DCN: variants seen among roughly 807,000 people sequenced by gnomAD.
DCN encodes bone proteoglycan II.
In DCN, 17 loss-of-function variants were observed where a neutral mutation model predicts 36.5. The ratio of observed to expected loss-of-function variants is 0.47; its 90% confidence interval spans 0.32 to 0.70. The LOEUF (loss-of-function observed/expected upper bound fraction) is 0.70, where lower values mean the gene tolerates loss of function less well. Among genes scored for constraint, DCN ranks in the 30% least tolerant of loss-of-function variants. DCN has a pLI of 0.04. For missense variants in DCN, 389 were observed against 430.1 expected (o/e 0.90, Z 0.84); for synonymous variants, 163 against 161.4 (o/e 1.01, Z -0.07).
At chr12:91,169,207 G>C (rs551980472) in intron 2 of DCN, among the ~76,000 whole-genome samples, 29 of 151,458 alleles carry the variant, frequency 1.9e-4, no homozygotes, top group Admixed American at 1.6e-3. Context: ...GACCAGCCTG[G>C]GCAACATAGC....
intron 7 of DCN, among the ~76,000 whole-genome samples, chr12:91,148,141 T>C (rs1177138112): frequency 6.6e-6 from 1 of 151,170 alleles, no homozygotes; most frequent in Non-Finnish European, 1.5e-5. Flanking sequence ...TGTCGCAATC[T>C]CGGCTCACTG....
chr12:91,177,660 G>A (rs1413660954), intron 2 of DCN: 2 of 700,932 alleles, frequency 2.9e-6, no homozygotes, highest in African/African-American at 3.5e-5. Context: ...TCTTTAGGGT[G>A]TTAGGCTAAA....
chr12:91,161,130 G>A lies in DCN; in HGVS notation c.325-2621C>T, dbSNP rs562556018. 7.9e-4 allele frequency among the ~76,000 whole-genome samples: 121 copies of A among 152,274 alleles called. 1 individual carries two copies. Among genetic ancestry groups the A allele is most frequent in the African/African-American group, 2.9e-3 (119 of 41,560 alleles). On this transcript the variant is annotated intron_variant, in intron 3 of 7. Transcript: ENST00000052754. ...CTTAACATCCTCTGAATGGTTGAAG[G>A]CTCTAATGAACTCTCTTTATTCATC...
chr12:91,166,856 A>G (rs1266597243), intron 2 of DCN, among the ~76,000 whole-genome samples: 1 of 152,164 alleles, frequency 6.6e-6, no homozygotes, highest in Non-Finnish European at 1.5e-5. Flanking sequence ...TTAAAATTAT[A>G]GTTCTACAAC....
intron 2 of DCN, among the ~76,000 whole-genome samples, chr12:91,178,125 G>GA (rs1883406547): frequency 6.6e-6 from 1 of 151,868 alleles, no homozygotes; most frequent in Non-Finnish European, 1.5e-5. Flanking sequence ...AGTAATGGAG[G>GA]AAAAAAGGAA....
At chr12:91,168,995 T>C (rs1050021738) in intron 2 of DCN, among the ~76,000 whole-genome samples, 2 of 148,148 alleles carry the variant, frequency 1.3e-5, no homozygotes, top group African/African-American at 4.9e-5. Flanking sequence ...AAATCCCCAT[T>C]CATAGATTTG....
intron 2 of DCN, chr12:91,169,526 T>C (rs1380361863): frequency 1.3e-5 from 2 of 151,958 alleles, no homozygotes; most frequent in African/African-American, 4.8e-5. Context: ...AGAAACATAC[T>C]GGTAAGTGTA....
intron 2 of DCN, among the ~76,000 whole-genome samples, chr12:91,166,736 C>T (rs1882598447): frequency 6.6e-6 from 1 of 152,084 alleles, no homozygotes; most frequent in Non-Finnish European, 1.5e-5. Context: ...ACACTAGGAA[C>T]TACTTAAGGT....
chr12:91,178,052 T>C (rs1229920778), intron 2 of DCN, among the ~76,000 whole-genome samples: 2 of 151,776 alleles, frequency 1.3e-5, no homozygotes, highest in African/African-American at 4.9e-5. Flanking sequence ...AAAATTTTAT[T>C]TTGTAGAAGA....
In DCN at chr12:91,143,043, A is replaced by G. The variant is rs1880802446; in HGVS notation, c.*3015T>C. The G allele has an allele frequency of 6.6e-6, 1 of 152,184 alleles. No individual in the cohort carries two copies. The highest frequency in any genetic ancestry group is 2.4e-5 in the African/African-American group (1 of 41,458). The allele number at this position is 152,184 out of a possible 1,614,324, so 9.4% of individuals were successfully genotyped here. A position where few individuals can be genotyped will look rare whatever the true frequency, so the allele number is the denominator to read the frequency against. On this transcript the variant is annotated 3_prime_UTR_variant, in exon 8 of 8. Transcript: ENST00000052754. ...CCTTAATCCAATATAACTCATGTTC[A>G]TAGAAGAAGAAGAGAAAAGACACAA...
At chr12:91,171,278 G>T (rs1882938234) in intron 2 of DCN, among the ~76,000 whole-genome samples, 1 of 152,058 alleles carries the variant, frequency 6.6e-6, no homozygotes, top group Non-Finnish European at 1.5e-5. Context: ...CTTCATGGGG[G>T]ACATGTAATA....
chr12:91,154,087 C>G (rs986852072), intron 5 of DCN, among the ~76,000 whole-genome samples: 1 of 152,030 alleles, frequency 6.6e-6, no homozygotes, highest in African/African-American at 2.4e-5. Context: ...AAAGTCTTGG[C>G]TATTTGTCTA....
At chr12:91,153,310 A>G in intron 5 of DCN, 121 bp from the exon 6 acceptor site, 1 of 703,786 alleles carries the variant, frequency 1.4e-6, no homozygotes, top group Non-Finnish European at 2.6e-6. Context: ...TCAAAGAATC[A>G]GCTTTACTTT....
At chr12:91,167,707 C>T (rs1177985617) in intron 2 of DCN, among the ~76,000 whole-genome samples, 4 of 152,148 alleles carry the variant, frequency 2.6e-5, no homozygotes, top group Non-Finnish European at 2.9e-5. Context: ...CTAATCTTCT[C>T]ATTTCATAGG....
At chr12:91,166,597 C>T (rs1882590339) in intron 2 of DCN, among the ~76,000 whole-genome samples, 2 of 152,164 alleles carry the variant, frequency 1.3e-5, no homozygotes, top group South Asian at 4.1e-4. Context: ...CATTGGCGAA[C>T]TTAAATTCTA....
rs1880798284 is a variant in DCN at position 91,142,920 on chromosome 12, T to C, written c.*3138A>G. The stretch of plus-strand genomic sequence containing the variant: ...GTCTCCTCCCAGAAGATATGTTCAA[T>C]ATCAAACCCCCAATACCTGTGAGTC... On this transcript the variant is annotated 3_prime_UTR_variant, in exon 8 of 8. Transcript: ENST00000052754. 1.3e-5 allele frequency: 2 copies of C among 152,194 alleles called. No individual in the cohort carries two copies. Among genetic ancestry groups the C allele is most frequent in the Non-Finnish European group, 2.9e-5 (2 of 68,020 alleles). 9.4% of individuals were successfully genotyped at this position (152,194 alleles called of 1,614,324 possible). A position where few individuals can be genotyped will look rare whatever the true frequency, so the allele number is the denominator to read the frequency against.
At chr12:91,161,595 G>A (rs2121227870) in intron 3 of DCN, among the ~76,000 whole-genome samples, 1 of 152,316 alleles carries the variant, frequency 6.6e-6, no homozygotes, top group Non-Finnish European at 1.5e-5. Flanking sequence ...TGGTGAATAA[G>A]GTTCTCATCA....
At position 91,151,605 on chromosome 12, in the gene DCN, G is replaced by T. The variant is rs774331414; in HGVS notation, c.885+49C>A. 1.4e-5 allele frequency: 22 copies of T among 1,610,302 alleles called. No homozygotes were observed. In the South Asian group the frequency reaches 1.9e-4, roughly 14 times the overall value. ...TCCCAGCATCCCATAAGCAGGGTGG[G>T]GGTCTTGCTTTTTGGATATTCCTCA... On this transcript the variant is annotated intron_variant, in intron 7 of 7. Transcript: ENST00000052754.
rs963362458 is a variant in DCN, at chr12:91,146,218, A to G, written c.920T>C (p.Val307Ala). The change falls in exon 8 of 8, where the codon GTT becomes GCT. Residue 307 changes from valine to alanine, a missense_variant. Val to Ala is a moderately conservative substitution (Grantham distance 64). Transcript: ENST00000052754. ...AGGTGGGCAGAAGTCACTTGATCCAACTACAGAGATATTGTTGTTATGAAG... is the reference window on the plus strand; with the variant it reads ...AGGTGGGCAGAAGTCACTTGATCCAGCTACAGAGATATTGTTGTTATGAAG... ...VYLHNNNISV[V>A]GSSDFCPPGH... 3.1e-6 allele frequency: 5 copies of G among 1,612,152 alleles called. No individual in the cohort carries two copies. The African/African-American group carries it at 4.0e-5, about 13-fold the overall frequency.
Sources: allele counts gnomAD v4.1 joint callset (sites outside exome capture counted in the v4.1 genomes callset), GRCh38; gene constraint gnomAD v4.1.1; transcripts MANE v1.5; gene names NCBI Gene and HGNC (gene_info 2026-07-23, HGNC 2026-07-21).